The following CMYA5 variants were observed in gnomAD, a reference collection of about 807,000 sequenced individuals.
CMYA5 encodes the protein cardiomyopathy associated 5.
Under a neutral mutation model 318.9 loss-of-function variants are expected in CMYA5, and 246 were observed. The observed-to-expected ratio is 0.77, with a 90% CI of 0.70 to 0.86. The LOEUF is 0.86. CMYA5 is among the 40% of genes least tolerant of loss of function. CMYA5 has a pLI of 0.00. For synonymous variants in CMYA5, 1,641 were observed against 1,729.5 expected, an observed-to-expected ratio of 0.95 and a Z score of 1.27; for missense variants, 4,589 against 4,678.2, an observed-to-expected ratio of 0.98 and a Z score of 0.56.
Position 79,737,493 on chromosome 5 carries a change from A to G in CMYA5, c.8728A>G (p.Asn2910Asp). The G allele has an allele frequency of 6.2e-7, 1 of 1,613,598 alleles. No homozygotes were observed. The highest frequency in any genetic ancestry group is 8.5e-7 in the Non-Finnish European group (1 of 1,179,756). ...SASNADKMVS[N>D]KEMPKEPEDT... ...AAGCAATGCTGATAAAATGGTTTCT[A>G]ATAAAGAAATGCCCAAGGAACCTGA... is the stretch of plus-strand genomic sequence containing the variant. Residue 2910 changes from asparagine to aspartate, a missense_variant, in exon 2 of 13, where the codon AAT (asparagine) becomes GAT (aspartate). By Grantham distance (23) the Asn-to-Asp change is conservative (BLOSUM62 1). This residue lies in a region of CMYA5 where 2,431 missense variants were observed against 2,495.1 expected (regional missense o/e 0.97). Coordinates refer to ENST00000446378, the MANE Select transcript of CMYA5 (RefSeq NM_153610.5).
Position 79,738,810 on chromosome 5 carries a change from C to T in CMYA5, c.10045C>T (p.Leu3349=). 2.5e-6 allele frequency: 4 copies of T among 1,613,874 alleles called. No homozygotes were observed. The South Asian group carries it at 4.4e-5, about 18-fold the overall frequency. ...TCCATTTGAAGACACCCATCATGTT[C>T]TGGAGCGTGCAGATGAAGCAGGCAG... ...AVPFEDTHHV[L]ERADEAGSHG... The change falls in exon 2 of 13, where the codon CTG becomes TTG. Residue 3349 remains leucine, a synonymous_variant. Coordinates refer to ENST00000446378, the MANE Select transcript of CMYA5 (RefSeq NM_153610.5).
chr5:79,731,545 G>A lies in CMYA5; in HGVS notation c.2780G>A (p.Gly927Asp), dbSNP rs762905148. Reference protein sequence around the residue: ...EIVHRSLNLKGASSPMNLSEE... With the variant: ...EIVHRSLNLKDASSPMNLSEE... ...GTCCATAGATCTCTAAATCTAAAAGGTGCATCCTCACCCATGAATTTATCA... is the reference window on the plus strand; with the variant it reads ...GTCCATAGATCTCTAAATCTAAAAGATGCATCCTCACCCATGAATTTATCA... Residue 927 changes from glycine to aspartate, a missense_variant, in exon 2 of 13, where the codon GGT becomes GAT. Physicochemically the swap from Gly to Asp is moderately conservative, Grantham distance 94. Around this residue, in one of 3 missense-constraint regions of CMYA5, gnomAD observed 2,132 missense variants for 2,131.3 expected, o/e 1.00. Coordinates refer to ENST00000446378, the MANE Select transcript of CMYA5 (RefSeq NM_153610.5). The A allele has an allele frequency of 8.1e-6, 13 of 1,606,790 alleles. No individual in the cohort carries two copies. Among genetic ancestry groups the A allele is most frequent in the Non-Finnish European group, 1.0e-5 (12 of 1,176,626 alleles).
rs751518706 is a variant in CMYA5 at position 79,738,349 on chromosome 5, A to T, written c.9584A>T (p.Asp3195Val). The T allele has an allele frequency of 2.5e-6, 4 of 1,613,814 alleles. No homozygotes were observed. The highest frequency in any genetic ancestry group is 1.7e-6 in the Non-Finnish European group (2 of 1,179,834). Residue 3195 changes from aspartate (D) to valine (V), a missense_variant, in exon 2 of 13, where the codon GAT becomes GTT. Around this residue, in one of 3 missense-constraint regions of CMYA5, gnomAD observed 2,431 missense variants for 2,495.1 expected, o/e 0.97. Coordinates refer to ENST00000446378, the MANE Select transcript of CMYA5 (RefSeq NM_153610.5). The stretch of plus-strand genomic sequence containing the variant: ...CCTGCACTTGCATTTTTATATAAGG[A>T]TCTGTATGAAGAAGCAGTTGGAGAG... The part of the protein sequence containing the change: ...EPPALAFLYK[D>V]LYEEAVGEKK...
At chr5:79,707,852 CT>C (rs1827303959) in intron 1 of CMYA5, among the ~76,000 whole-genome samples, 1 of 152,168 alleles carries the variant, frequency 6.6e-6, no homozygotes, top group Non-Finnish European at 1.5e-5. Context: ...AATAACAGAA[CT>C]TTATTTCTCA....
intron 1 of CMYA5, among the ~76,000 whole-genome samples, chr5:79,723,092 T>G (rs1028168728): frequency 1.3e-5 from 2 of 152,160 alleles, no homozygotes; most frequent in Non-Finnish European, 2.9e-5. Context: ...TCCCAGTTTG[T>G]TCTATGAGGC....
chr5:79,766,836 G>T (rs1490345201), intron 9 of CMYA5, among the ~76,000 whole-genome samples: 1 of 152,286 alleles, frequency 6.6e-6, no homozygotes, highest in Middle Eastern at 3.4e-3. Context: ...AGTTAGGGAG[G>T]AGTCCTTCTT....
chr5:79,772,712 T>C (rs1368475717), intron 9 of CMYA5, among the ~76,000 whole-genome samples: 2 of 152,214 alleles, frequency 1.3e-5, no homozygotes, highest in African/African-American at 2.4e-5. Flanking sequence ...ACTGCAAAAC[T>C]CATTTTTATC....
chr5:79,713,276 G>T (rs1256170999), intron 1 of CMYA5, among the ~76,000 whole-genome samples: 2 of 147,810 alleles, frequency 1.4e-5, no homozygotes, highest in Admixed American at 1.4e-4. Context: ...ACACAGGACA[G>T]TCCCCACCCC....
intron 1 of CMYA5, among the ~76,000 whole-genome samples, chr5:79,691,575 A>G (rs1450128595): frequency 6.6e-6 from 1 of 152,148 alleles, no homozygotes; most frequent in African/African-American, 2.4e-5. Context: ...GAGTGGAGGG[A>G]CACATGAGGG....
rs144068259 is a variant in CMYA5, at chr5:79,695,797, T to C, written c.149+5741T>C. Among the ~76,000 whole-genome samples the C allele has an allele frequency of 2.8e-3, 433 of 152,350 alleles. 5 individuals carry two copies. Among genetic ancestry groups the C allele is most frequent in the Middle Eastern group, 6.8e-3 (2 of 294 alleles). ...GAGGAATATCCAAAGACATTCTTCC[T>C]AAAATGAGATTTAGAAAGATTCCTG... On this transcript the variant is annotated intron_variant, in intron 1 of 12. Coordinates refer to ENST00000446378, the MANE Select transcript of CMYA5 (RefSeq NM_153610.5).
chr5:79,787,053 G>A (rs1267667480), intron 9 of CMYA5, among the ~76,000 whole-genome samples: 1 of 152,118 alleles, frequency 6.6e-6, no homozygotes, highest in Non-Finnish European at 1.5e-5. Context: ...CTATATATGT[G>A]GAATTTTCTC....
At chr5:79,770,405 T>C (rs904684716) in intron 9 of CMYA5, among the ~76,000 whole-genome samples, 1 of 39,898 alleles carries the variant, frequency 2.5e-5, no homozygotes, top group Non-Finnish European at 4.6e-5. Context: ...TGCCCGGTTT[T>C]GTGCTTGAAA....
intron 9 of CMYA5, among the ~76,000 whole-genome samples, chr5:79,777,711 G>A (rs1828963533): frequency 6.6e-6 from 1 of 151,774 alleles, no homozygotes; most frequent in African/African-American, 2.4e-5. Flanking sequence ...GGAGGCGGAG[G>A]TTTCAGTGAG....
chr5:79,734,687 C>G lies in CMYA5; in HGVS notation c.5922C>G (p.Thr1974=). The G allele has an allele frequency of 1.9e-6, 3 of 1,613,834 alleles. No individual in the cohort carries two copies. The highest frequency in any genetic ancestry group is 1.7e-5 in the Admixed American group (1 of 59,980). ...ALDTSSGNTE[T]LSSKSYSSEE... ...ATACTTCCAGTGGTAATACAGAGAC[C>G]TTATCAAGTAAAAGTTACTCTTCTG... is the stretch of plus-strand genomic sequence containing the variant. The change falls in exon 2 of 13, where the codon ACC becomes ACG. Residue 1974 remains threonine (T), a synonymous_variant. Transcript: ENST00000446378.
chr5:79,739,183 G>A lies in CMYA5; in HGVS notation c.10418G>A (p.Ser3473Asn), dbSNP rs1828160837. The change falls in exon 2 of 13, where the codon AGT becomes AAT. Residue 3473 changes from serine to asparagine, a missense_variant. Ser to Asn is a conservative substitution (Grantham distance 46). This residue lies in a region of CMYA5 where 2,431 missense variants were observed against 2,495.1 expected (regional missense o/e 0.97). Transcript: ENST00000446378. ...ENEFASEAEQ[S>N]TPAEQKELGS... ...GAATTTGCGAGTGAGGCAGAACAAA[G>A]TACACCTGCTGAACAAAAAGAGTTG... 1.9e-6 allele frequency: 3 copies of A among 1,613,478 alleles called. No individual in the cohort carries two copies. Among genetic ancestry groups the A allele is most frequent in the South Asian group, 1.1e-5 (1 of 91,014 alleles).
At chr5:79,744,036 A>G (rs1367773744) in intron 3 of CMYA5, 114 bp downstream of exon 3, 3 of 551,912 alleles carry the variant, frequency 5.4e-6, no homozygotes, top group African/African-American at 1.9e-5. Context: ...GTTGTTTGCC[A>G]TTGTTGGTTC....
chr5:79,735,395 A>G lies in CMYA5; in HGVS notation c.6630A>G (p.Val2210=), dbSNP rs767449804. The G allele has an allele frequency of 6.2e-7, 1 of 1,613,918 alleles. No individual in the cohort carries two copies. Among genetic ancestry groups the G allele is most frequent in the East Asian group, 2.2e-5 (1 of 44,882 alleles). Residue 2210 remains valine (V), a synonymous_variant, in exon 2 of 13, where the codon GTA becomes GTG. Coordinates refer to ENST00000446378, the MANE Select transcript of CMYA5 (RefSeq NM_153610.5). ...TAGAAACACAGCCAAGTCCATCCGT[A>G]GAAAAAGCAGTGACTGTGATAGATC... is the stretch of plus-strand genomic sequence containing the variant. ...EDLETQPSPS[V]EKAVTVIDPE... is the part of the protein sequence containing the mutation.
rs1290606551 is a variant in CMYA5 at position 79,738,351 on chromosome 5, CTGTATGA to C, written c.9587_9593del (p.Leu3196GlnfsTer20). The stretch of plus-strand genomic sequence containing the variant: ...TGCACTTGCATTTTTATATAAGGAT[CTGTATGA>C]AGAAGCAGTTGGAGAGAAAAAGAAG... On this transcript the variant is annotated frameshift_variant, in exon 2 of 13. Transcript: ENST00000446378. LOFTEE classifies it high-confidence loss of function. 6.2e-7 allele frequency: 1 copy of C among 1,613,576 alleles called. No individual in the cohort carries two copies. Among genetic ancestry groups the C allele is most frequent in the Non-Finnish European group, 8.5e-7 (1 of 1,179,834 alleles).
intron 1 of CMYA5, among the ~76,000 whole-genome samples, chr5:79,693,837 G>A (rs1482640769): frequency 6.6e-6 from 1 of 152,182 alleles, no homozygotes; most frequent in African/African-American, 2.4e-5. Flanking sequence ...ACTCCAGTTT[G>A]GGGAGACAAA....
Sources: allele counts gnomAD v4.1 joint callset (sites outside exome capture counted in the v4.1 genomes callset), GRCh38; gene constraint gnomAD v4.1.1; regional missense constraint gnomAD v4.1.1; transcripts MANE v1.5; gene names NCBI Gene and HGNC (gene_info 2026-07-23, HGNC 2026-07-21).